ARHGAP12: variants seen among roughly 807,000 people sequenced by gnomAD.
ARHGAP12 encodes Rho GTPase activating protein 12.
In ARHGAP12, 64 loss-of-function variants were observed where a neutral mutation model predicts 108.6. The observed-to-expected ratio is 0.59, with a 90% CI of 0.48 to 0.73. The LOEUF (loss-of-function observed/expected upper bound fraction) is 0.73, where lower values mean the gene tolerates loss of function less well. Among genes scored for constraint, ARHGAP12 ranks in the 30% least tolerant of loss-of-function variants. The pLI is 0.00. For missense variants in ARHGAP12, 940 were observed against 1,005.9 expected (o/e 0.93, Z 0.89); for synonymous variants, 312 against 337.2 (o/e 0.93, Z 0.82).
intron 3 of ARHGAP12, among the ~76,000 whole-genome samples, chr10:31,865,452 G>A (rs1165393756): frequency 6.6e-6 from 1 of 152,156 alleles, no homozygotes; most frequent in Non-Finnish European, 1.5e-5. Flanking sequence ...ATGAAGAAAA[G>A]AATGGAAAGA....
In ARHGAP12 at chr10:31,807,647, T is replaced by C. The variant is rs780973905; in HGVS notation, c.*11A>G. 1.9e-6 allele frequency: 3 copies of C among 1,592,922 alleles called. No individual in the cohort carries two copies. Among genetic ancestry groups the C allele is most frequent in the Non-Finnish European group, 2.6e-6 (3 of 1,172,982 alleles). On this transcript the variant is annotated 3_prime_UTR_variant, in exon 20 of 20. Coordinates refer to ENST00000344936, the MANE Select transcript of ARHGAP12 (RefSeq NM_018287.7). ...TCCAGCTTCTATTCCACAGGTTGTC[T>C]TCAGTAAGAATCAACGTCCGAAGAT...
At chr10:31,816,168 C>CGTGTGTGTATGT (rs1554773966) in intron 13 of ARHGAP12, among the ~76,000 whole-genome samples, 1 of 136,330 alleles carries the variant, frequency 7.3e-6, no homozygotes, top group African/African-American at 2.8e-5. Context: ...AAGAAAGAAA[C>CGTGTGTGTATGT]GTGTGTGTGT....
chr10:31,853,181 A>G (rs1264638577), intron 5 of ARHGAP12, among the ~76,000 whole-genome samples: 1 of 152,212 alleles, frequency 6.6e-6, no homozygotes, highest in Non-Finnish European at 1.5e-5. Context: ...CAAGCAACAT[A>G]TAACATACGA....
chr10:31,850,089 T>C (rs1243964452), intron 6 of ARHGAP12, among the ~76,000 whole-genome samples: 1 of 152,156 alleles, frequency 6.6e-6, no homozygotes, highest in Admixed American at 6.5e-5. Flanking sequence ...CTGATGTCAT[T>C]ACTCCAGGGA....
rs775882337 is a variant in ARHGAP12 at position 31,807,614 on chromosome 10, T to G, written c.*44A>C. 1.3e-6 allele frequency: 2 copies of G among 1,542,338 alleles called. No homozygotes were observed. The highest frequency in any genetic ancestry group is 1.7e-6 in the Non-Finnish European group (2 of 1,144,310). Reference sequence around the variant, plus strand: ...ACATTGTGTATAAACATTTGAAATCTGATGGAATCCAGCTTCTATTCCACA... The same window carrying G: ...ACATTGTGTATAAACATTTGAAATCGGATGGAATCCAGCTTCTATTCCACA... On this transcript the variant is annotated 3_prime_UTR_variant, in exon 20 of 20. Coordinates refer to ENST00000344936, the MANE Select transcript of ARHGAP12 (RefSeq NM_018287.7).
intron 12 of ARHGAP12, 27 bp downstream of exon 12, chr10:31,820,360 T>C (rs756556886): frequency 1.3e-6 from 2 of 1,544,808 alleles, no homozygotes; most frequent in Admixed American, 3.6e-5. Flanking sequence ...GTTTAGAATG[T>C]GTTATACTTA....
intron 13 of ARHGAP12, 92 bp from the exon 14 acceptor site, chr10:31,814,453 C>T (rs898485517): frequency 2.9e-6 from 3 of 1,022,414 alleles, no homozygotes; most frequent in African/African-American, 3.2e-5. Context: ...TTGTAAATGA[C>T]TCTTCCAAAC....
chr10:31,863,484 T>A (rs1212036153), intron 3 of ARHGAP12, among the ~76,000 whole-genome samples: 4 of 152,268 alleles, frequency 2.6e-5, no homozygotes, highest in African/African-American at 9.6e-5. Context: ...CTACTAAATC[T>A]TCAAGAAACA....
intron 11 of ARHGAP12, among the ~76,000 whole-genome samples, chr10:31,821,215 A>T (rs988715932): frequency 6.6e-6 from 1 of 152,190 alleles, no homozygotes; most frequent in African/African-American, 2.4e-5. Context: ...TCAGCAATTT[A>T]ATGAGGAACT....
At position 31,843,403 on chromosome 10, in the gene ARHGAP12, T is replaced by TTACAATTCACTG. The variant is rs573790389; in HGVS notation, c.1296+46_1296+57dup. On this transcript the variant is annotated intron_variant, in intron 7 of 19. Coordinates refer to ENST00000344936, the MANE Select transcript of ARHGAP12 (RefSeq NM_018287.7). ...ATACATAAAATATTAGTACGAATAG[T>TTACAATTCACTG]TACAATTCACTGTACAATATAATGC... 1.1e-4 allele frequency: 162 copies of TTACAATTCACTG among 1,511,562 alleles called. 2 individuals carry two copies. The East Asian group carries it at 3.1e-3, about 29-fold the overall frequency. 93.6% of individuals were successfully genotyped at this position (1,511,562 alleles called of 1,614,324 possible). A position where few individuals can be genotyped will look rare whatever the true frequency, so the allele number is the denominator to read the frequency against.
chr10:31,897,803 G>A lies in ARHGAP12; in HGVS notation c.684+10369C>T, dbSNP rs551274997. Among the ~76,000 whole-genome samples, 129 of 152,294 alleles carry A rather than the reference G, an allele frequency of 8.5e-4. No homozygotes were observed. The South Asian group carries it at 0.017, about 21-fold the overall frequency. ...CAGAATCAAACTCAGCTGTGGCACA[G>A]ATGGAACTATTAGACGGGAAACTGA... is the stretch of plus-strand genomic sequence containing the variant. On this transcript the variant is annotated intron_variant, in intron 3 of 19. Coordinates refer to ENST00000344936, the MANE Select transcript of ARHGAP12 (RefSeq NM_018287.7).
At chr10:31,919,890 G>C (rs1418369948) in intron 1 of ARHGAP12, among the ~76,000 whole-genome samples, 1 of 151,972 alleles carries the variant, frequency 6.6e-6, no homozygotes, top group Non-Finnish European at 1.5e-5. Context: ...AGGATGAGGT[G>C]GGTGGATCAC....
intron 1 of ARHGAP12, among the ~76,000 whole-genome samples, chr10:31,924,339 A>G (rs889125889): frequency 6.6e-5 from 10 of 152,238 alleles, no homozygotes; most frequent in African/African-American, 1.9e-4. Flanking sequence ...CTAAAATAGG[A>G]AACAGTACAA....
intron 4 of ARHGAP12, among the ~76,000 whole-genome samples, chr10:31,859,071 C>A (rs1295804782): frequency 6.6e-6 from 1 of 152,124 alleles, no homozygotes; most frequent in East Asian, 1.9e-4. Context: ...AGGTGTGCAG[C>A]CCATCCCTAC....
intron 4 of ARHGAP12, among the ~76,000 whole-genome samples, chr10:31,855,741 C>A (rs1227433962): frequency 6.6e-6 from 1 of 152,122 alleles, no homozygotes; most frequent in African/African-American, 2.4e-5. Context: ...AACAAAATCA[C>A]AGAATCACTT....
At chr10:31,866,799 T>C (rs1177620261) in intron 3 of ARHGAP12, among the ~76,000 whole-genome samples, 3 of 151,984 alleles carry the variant, frequency 2.0e-5, no homozygotes, top group African/African-American at 7.2e-5. Flanking sequence ...ATTTTTTTAG[T>C]AGAGACAGGA....
chr10:31,825,146 T>C (rs1835557414), intron 11 of ARHGAP12, among the ~76,000 whole-genome samples: 1 of 152,152 alleles, frequency 6.6e-6, no homozygotes, highest in African/African-American at 2.4e-5. Flanking sequence ...AATGTTCACA[T>C]CCGTGCTCAA....
chr10:31,815,149 AAAAAG>A (rs1417501390), intron 13 of ARHGAP12, among the ~76,000 whole-genome samples: 3 of 151,780 alleles, frequency 2.0e-5, no homozygotes. Context: ...AAGAAAGAAA[AAAAAG>A]AAAAGAAATC....
intron 7 of ARHGAP12, among the ~76,000 whole-genome samples, chr10:31,842,389 GCA>G (rs1443479002): frequency 6.6e-6 from 1 of 151,912 alleles, no homozygotes; most frequent in Non-Finnish European, 1.5e-5. Context: ...ATCTTCAATA[GCA>G]CAGACTCCAG....
Sources: allele counts gnomAD v4.1 joint callset (sites outside exome capture counted in the v4.1 genomes callset), GRCh38; gene constraint gnomAD v4.1.1; transcripts MANE v1.5; gene names NCBI Gene and HGNC (gene_info 2026-07-23, HGNC 2026-07-21).